Variants in DCLK2 observed in about 807,000 individuals in gnomAD.
DCLK2 encodes serine/threonine-protein kinase DCLK2.
A neutral mutation model predicts 78.4 loss-of-function variants in DCLK2; 31 were observed. That is an observed-to-expected ratio of 0.40 (90% CI 0.30 to 0.53). The LOEUF (loss-of-function observed/expected upper bound fraction) is 0.53, where lower values mean the gene tolerates loss of function less well. Among genes scored for constraint, DCLK2 ranks in the 20% least tolerant of loss-of-function variants. The pLI is 0.61. For missense variants in DCLK2, 872 were observed against 973.7 expected (o/e 0.90, Z 1.39); for synonymous variants, 407 against 374.9 (o/e 1.09, Z -0.99).
chr4:150,086,708 G>A (rs1172916486), intron 1 of DCLK2, among the ~76,000 whole-genome samples: 1 of 151,898 alleles, frequency 6.6e-6, no homozygotes, highest in East Asian at 1.9e-4. Context: ...GGTTTTCACC[G>A]TGTTAGCCAG....
rs1343044165 is a variant in DCLK2 at position 150,078,833 on chromosome 4, G to A, written c.-195G>A. The A allele has an allele frequency of 4.9e-6, 3 of 608,434 alleles. No homozygotes were observed. Among genetic ancestry groups the A allele is most frequent in the Non-Finnish European group, 7.8e-6 (3 of 384,600 alleles). 37.7% of individuals were successfully genotyped at this position (608,434 alleles called of 1,614,324 possible). On this transcript the variant is annotated 5_prime_UTR_variant, in exon 1 of 16. Coordinates refer to ENST00000296550, the MANE Select transcript of DCLK2 (RefSeq NM_001040260.4). Reference sequence around the variant, plus strand: ...ATGACCTGGGCAGCTCGGCGCTGCGGACACTTTTAGCTGAGGGCGCGGGCG... The same window carrying A: ...ATGACCTGGGCAGCTCGGCGCTGCGAACACTTTTAGCTGAGGGCGCGGGCG...
At chr4:150,203,500 A>G (rs1374164836) in intron 4 of DCLK2, among the ~76,000 whole-genome samples, 3 of 152,070 alleles carry the variant, frequency 2.0e-5, no homozygotes, top group African/African-American at 4.8e-5. Context: ...GGCAGGATAC[A>G]TGGACAAGTT....
chr4:150,095,626 T>C (rs946428627), intron 1 of DCLK2, among the ~76,000 whole-genome samples: 1 of 152,234 alleles, frequency 6.6e-6, no homozygotes, highest in Non-Finnish European at 1.5e-5. Context: ...TTCTCCAGGC[T>C]GTTTTCCTAG....
intron 2 of DCLK2, among the ~76,000 whole-genome samples, chr4:150,103,944 C>T (rs1731056379): frequency 6.6e-6 from 1 of 151,992 alleles, no homozygotes; most frequent in Non-Finnish European, 1.5e-5. Flanking sequence ...GTTAATAGCA[C>T]AGTACAACAC....
At chr4:150,191,137 CAAAA>C (rs1446826422) in intron 2 of DCLK2, among the ~76,000 whole-genome samples, 1 of 151,930 alleles carries the variant, frequency 6.6e-6, no homozygotes, top group Non-Finnish European at 1.5e-5. Flanking sequence ...AAGGAACAAA[CAAAA>C]AACCCATTAG....
At chr4:150,090,969 G>A (rs1379713909) in intron 1 of DCLK2, among the ~76,000 whole-genome samples, 1 of 152,216 alleles carries the variant, frequency 6.6e-6, no homozygotes, top group Non-Finnish European at 1.5e-5. Flanking sequence ...AGGCAAATGA[G>A]TATGGAGTGG....
chr4:150,083,943 A>G (rs1168734022), intron 1 of DCLK2, among the ~76,000 whole-genome samples: 2 of 152,222 alleles, frequency 1.3e-5, no homozygotes, highest in Non-Finnish European at 2.9e-5. Context: ...CAAAAAATGC[A>G]CATTCTCCTG....
At chr4:150,144,063 A>G (rs1179039008) in intron 2 of DCLK2, among the ~76,000 whole-genome samples, 2 of 152,048 alleles carry the variant, frequency 1.3e-5, no homozygotes, top group East Asian at 3.9e-4. Context: ...ACATTTGTCT[A>G]TTTTAATTTT....
chr4:150,158,569 A>G (rs1269791751), intron 2 of DCLK2, among the ~76,000 whole-genome samples: 2 of 152,170 alleles, frequency 1.3e-5, no homozygotes, highest in South Asian at 2.1e-4. Flanking sequence ...AGCACCTAAT[A>G]TATGTTGGGT....
chr4:150,171,177 A>T (rs1386444457), intron 2 of DCLK2, among the ~76,000 whole-genome samples: 2 of 152,224 alleles, frequency 1.3e-5, no homozygotes, highest in Non-Finnish European at 2.9e-5. Flanking sequence ...ACATACCCAC[A>T]TAAAATAGAG....
chr4:150,239,422 A>G (rs1221847201), intron 10 of DCLK2, among the ~76,000 whole-genome samples: 1 of 151,780 alleles, frequency 6.6e-6, no homozygotes, highest in Admixed American at 6.6e-5. Context: ...GTATAAGGAG[A>G]CCCCGTCTCT....
rs1026408464 is a variant in DCLK2 at position 150,239,603 on chromosome 4, A to G, written c.1567-139A>G. 25 of 1,193,128 alleles carry G rather than the reference A, an allele frequency of 2.1e-5. No individual in the cohort carries two copies. The Admixed American group carries it at 5.6e-4, about 27-fold the overall frequency. 73.9% of individuals were successfully genotyped at this position (1,193,128 alleles called of 1,614,324 possible). A position where few individuals can be genotyped will look rare whatever the true frequency, so the allele number is the denominator to read the frequency against. On this transcript the variant is annotated intron_variant, in intron 10 of 15. Coordinates refer to ENST00000296550, the MANE Select transcript of DCLK2 (RefSeq NM_001040260.4). The stretch of plus-strand genomic sequence containing the variant: ...GCAACAAAGCGAGACCGTGTCTTCA[A>G]AAAAAAAAATCACAAGGAGAGATTT...
chr4:150,085,990 T>C (rs954885769), intron 1 of DCLK2, among the ~76,000 whole-genome samples: 8 of 152,186 alleles, frequency 5.3e-5, no homozygotes, highest in Admixed American at 6.5e-5. Context: ...TCTTTGAAAG[T>C]TGGCTGGGTA....
chr4:150,235,947 G>A (rs943069181), intron 10 of DCLK2, among the ~76,000 whole-genome samples: 1 of 152,208 alleles, frequency 6.6e-6, no homozygotes, highest in Admixed American at 6.5e-5. Context: ...GTGAGTTACA[G>A]CCTGGTGGTA....
chr4:150,137,469 G>A (rs1191320161), intron 2 of DCLK2, among the ~76,000 whole-genome samples: 1 of 151,958 alleles, frequency 6.6e-6, no homozygotes, highest in Non-Finnish European at 1.5e-5. Flanking sequence ...TCCCTACAAA[G>A]GACATGTATA....
At chr4:150,249,708 G>T (rs780635294) in intron 15 of DCLK2, 24 bp downstream of exon 15, 1 of 1,592,970 alleles carries the variant, frequency 6.3e-7, no homozygotes, top group South Asian at 1.1e-5. Context: ...GGCAGGTCTG[G>T]CCTGACTGCG....
intron 8 of DCLK2, among the ~76,000 whole-genome samples, chr4:150,227,284 A>G (rs1560888841): frequency 6.6e-6 from 1 of 152,226 alleles, no homozygotes; most frequent in African/African-American, 2.4e-5. Context: ...TCCTTAATAT[A>G]CACAGGCATT....
At chr4:150,146,300 TCTCAGGTTCAA>T (rs531679385) in intron 2 of DCLK2, among the ~76,000 whole-genome samples, 224 of 152,316 alleles carry the variant, frequency 1.5e-3, no homozygotes, top group Admixed American at 2.6e-3. Flanking sequence ...AAATGCAAAA[TCTCAGGTTCAA>T]CTTCAGCTCT....
intron 2 of DCLK2, 84 bp downstream of exon 2, chr4:150,102,896 T>A: frequency 7.8e-7 from 1 of 1,281,344 alleles, no homozygotes; most frequent in Non-Finnish European, 1.1e-6. Flanking sequence ...AATAGAAATT[T>A]AGTAGTGTGC....
Sources: gnomAD v4.1 joint callset for allele counts (sites outside exome capture counted in the v4.1 genomes callset) on GRCh38, gnomAD v4.1.1 for gene constraint, MANE v1.5 for transcripts, NCBI Gene and HGNC (gene_info 2026-07-23, HGNC 2026-07-21) for gene names.